Variants in RBM33 observed in about 807,000 individuals in gnomAD.
RBM33 encodes RNA-binding protein 33.
Under a neutral mutation model 132.6 loss-of-function variants are expected in RBM33, and 28 were observed. The ratio of observed to expected loss-of-function variants is 0.21; its 90% CI spans 0.16 to 0.29. The LOEUF (loss-of-function observed/expected upper bound fraction) is 0.29. Ranked by LOEUF, RBM33 falls within the 10% of genes least tolerant of loss-of-function variation. The pLI is 1.00. For synonymous variants in RBM33, 634 were observed against 593.0 expected (o/e 1.07, Z -1.01); for missense variants, 1,291 against 1,518.5 (o/e 0.85, Z 2.49).
In RBM33 at chr7:155,735,035, C is replaced by T. The variant is rs901477875; in HGVS notation, c.1261-2495C>T. Among the ~76,000 whole-genome samples the T allele has an allele frequency of 5.9e-5, 9 of 152,076 alleles. No individual in the cohort carries two copies. The East Asian group carries it at 9.6e-4, about 16-fold the overall frequency. On this transcript the variant is annotated intron_variant, in intron 9 of 17. Coordinates refer to ENST00000401878, the MANE Select transcript of RBM33 (RefSeq NM_053043.3). ...CGATGGGGTTACATTAGGATGAGGC[C>T]GCTGTAAGTTGCAAACATCGTAAGT...
At position 155,644,971 on chromosome 7, in the gene RBM33, G is replaced by T. The variant is rs545608665; in HGVS notation, c.43+52G>T. On this transcript the variant is annotated intron_variant, in intron 1 of 17. Coordinates refer to ENST00000401878, the MANE Select transcript of RBM33 (RefSeq NM_053043.3). Reference sequence around the variant, plus strand: ...GCCAGGACCGCGCCGCGGTGGGCGGGGGTGTAGGCCGGGGGGCCTCCCCGC... The same window carrying T: ...GCCAGGACCGCGCCGCGGTGGGCGGTGGTGTAGGCCGGGGGGCCTCCCCGC... The T allele has an allele frequency of 1.4e-3, 1,981 of 1,409,058 alleles. 25 individuals carry two copies. In the African/African-American group the frequency reaches 0.025, roughly 18 times the overall value. 87.3% of individuals were successfully genotyped at this position (1,409,058 alleles called of 1,614,324 possible).
intron 9 of RBM33, among the ~76,000 whole-genome samples, chr7:155,721,560 G>A (rs1468656197): frequency 6.6e-6 from 1 of 151,988 alleles, no homozygotes; most frequent in African/African-American, 2.4e-5. Context: ...ATACGCAAAA[G>A]TACCACTAGA....
intron 5 of RBM33, among the ~76,000 whole-genome samples, chr7:155,688,962 G>C (rs1245576957): frequency 1.3e-5 from 2 of 152,110 alleles, no homozygotes; most frequent in Non-Finnish European, 2.9e-5. Flanking sequence ...GCCAGGCTTT[G>C]GTATCAGGAT....
intron 6 of RBM33, among the ~76,000 whole-genome samples, chr7:155,704,222 A>C (rs1800047574): frequency 6.6e-6 from 1 of 152,238 alleles, no homozygotes; most frequent in Non-Finnish European, 1.5e-5. Context: ...AGGTTGGATT[A>C]GAAGTAGAAT....
chr7:155,685,095 C>G, intron 5 of RBM33: 1 of 1,539,242 alleles, frequency 6.5e-7, no homozygotes, highest in Non-Finnish European at 8.8e-7. Context: ...TTTGCTGTTT[C>G]CCTCCCCCAG....
At chr7:155,648,595 A>T (rs1422312069) in intron 1 of RBM33, among the ~76,000 whole-genome samples, 1 of 151,666 alleles carries the variant, frequency 6.6e-6, no homozygotes, top group African/African-American at 2.4e-5. Context: ...AGATGTTTTC[A>T]TACTGATAAT....
At chr7:155,771,986 G>C (rs1802441018) in intron 16 of RBM33, among the ~76,000 whole-genome samples, 1 of 152,140 alleles carries the variant, frequency 6.6e-6, no homozygotes, top group Non-Finnish European at 1.5e-5. Context: ...GTGAATTGCA[G>C]AATGTTGATC....
chr7:155,651,277 G>C (rs1167206126), intron 1 of RBM33, among the ~76,000 whole-genome samples: 1 of 152,092 alleles, frequency 6.6e-6, no homozygotes, highest in Non-Finnish European at 1.5e-5. Flanking sequence ...TGGTGGTTTT[G>C]TTGGGTCCAG....
chr7:155,737,507 C>CTGT (rs749469115), intron 9 of RBM33, 23 bp from the exon 10 acceptor site: 103 of 1,564,574 alleles, frequency 6.6e-5, no homozygotes, highest in African/African-American at 4.7e-4. Context: ...CCCTGTTTCT[C>CTGT]TGTTGTTGTT....
intron 1 of RBM33, among the ~76,000 whole-genome samples, chr7:155,660,615 C>A (rs1273826213): frequency 2.0e-5 from 3 of 152,192 alleles, no homozygotes; most frequent in Non-Finnish European, 4.4e-5. Context: ...TCAACTATTG[C>A]ACTTCCATTG....
intron 1 of RBM33, 63 bp from the exon 2 acceptor site, chr7:155,665,112 G>C (rs1783258034): frequency 7.0e-7 from 1 of 1,425,152 alleles, no homozygotes; most frequent in Admixed American, 1.7e-5. Flanking sequence ...TTTAGTGTTT[G>C]AATTATTTGC....
At chr7:155,746,891 CTT>C (rs1477145796) in intron 14 of RBM33, among the ~76,000 whole-genome samples, 1 of 152,190 alleles carries the variant, frequency 6.6e-6, no homozygotes, top group Non-Finnish European at 1.5e-5. Context: ...AAGAAAATAA[CTT>C]ATCTCTTTTA....
Position 155,774,711 on chromosome 7 carries a change from C to G in RBM33, c.3464+64C>G. 7.8e-7 allele frequency: 1 copy of G among 1,286,548 alleles called. No individual in the cohort carries two copies. Among genetic ancestry groups the G allele is most frequent in the Non-Finnish European group, 1.1e-6 (1 of 881,544 alleles). The allele number at this position is 1,286,548 out of a possible 1,614,324, so 79.7% of individuals were successfully genotyped here. On this transcript the variant is annotated intron_variant, in intron 17 of 17. Transcript: ENST00000401878. This position sits in a 1 kb window ranked among gnomAD's most constrained non-coding sequence, Gnocchi z 4.2. ...GGGAGCAAGGCCCTCCTTCCTGTGC[C>G]CTCCCATCCATCATGGTAGCAAGCG... is the stretch of plus-strand genomic sequence containing the variant.
intron 5 of RBM33, among the ~76,000 whole-genome samples, chr7:155,683,194 A>G (rs2116927483): frequency 6.6e-6 from 1 of 152,308 alleles, no homozygotes; most frequent in African/African-American, 2.4e-5. Context: ...CATCTGAATG[A>G]TCTGAAATGG....
At chr7:155,766,721 T>C (rs1245619722) in intron 16 of RBM33, 66 bp downstream of exon 16, 1 of 1,482,416 alleles carries the variant, frequency 6.7e-7, no homozygotes, top group Non-Finnish European at 9.2e-7. Flanking sequence ...CATTTCTTGA[T>C]TTAAAACACA....
In RBM33 at chr7:155,739,650, TTGAAG is replaced by T. The variant is rs1303859437; in HGVS notation, c.1738-61_1738-57del. 10 of 1,450,530 alleles carry T rather than the reference TTGAAG, an allele frequency of 6.9e-6. No individual in the cohort carries two copies. In the East Asian group the frequency reaches 2.5e-4, roughly 36 times the overall value. 89.9% of individuals were successfully genotyped at this position (1,450,530 alleles called of 1,614,324 possible). Reference sequence around the variant, plus strand: ...TGTGTTGAGGTTTTTTAGGAAATGATTGAAGTGATTATGCCCGGTGTAACCATTTA... The same window carrying T: ...TGTGTTGAGGTTTTTTAGGAAATGATTGATTATGCCCGGTGTAACCATTTA... On this transcript the variant is annotated intron_variant, in intron 11 of 17. Transcript: ENST00000401878.
chr7:155,657,356 GA>G (rs1798520810), intron 1 of RBM33, among the ~76,000 whole-genome samples: 1 of 152,044 alleles, frequency 6.6e-6, no homozygotes, highest in Non-Finnish European at 1.5e-5. Context: ...GAATTAGTGG[GA>G]ACTTTAAAAA....
At chr7:155,754,038 C>T (rs1173089230) in intron 14 of RBM33, among the ~76,000 whole-genome samples, 4 of 152,192 alleles carry the variant, frequency 2.6e-5, no homozygotes, top group Non-Finnish European at 4.4e-5. Flanking sequence ...TGATAATTTC[C>T]AAGGAGACTA....
At chr7:155,688,811 C>T (rs991011319) in intron 5 of RBM33, among the ~76,000 whole-genome samples, 1 of 152,156 alleles carries the variant, frequency 6.6e-6, no homozygotes, top group African/African-American at 2.4e-5. Flanking sequence ...AGCCTTGCAT[C>T]CCAGAGATGA....
Sources: allele counts gnomAD v4.1 joint callset (sites outside exome capture counted in the v4.1 genomes callset), GRCh38; gene constraint gnomAD v4.1.1; non-coding constraint Gnocchi (gnomAD v3.1); transcripts MANE v1.5; gene names NCBI Gene and HGNC (gene_info 2026-07-23, HGNC 2026-07-21).